CNTN5: variants seen among roughly 807,000 people sequenced by gnomAD.
The protein encoded by CNTN5 is contactin-5.
CNTN5 carries 77 observed loss-of-function variants against 129.1 expected under a neutral mutation model. The observed-to-expected ratio is 0.60, with a 90% CI of 0.50 to 0.72. CNTN5 has a LOEUF of 0.72. Ranked by LOEUF, CNTN5 falls within the 30% of genes least tolerant of loss-of-function variation. CNTN5 has a pLI of 0.00. For missense variants in CNTN5, 1,478 were observed against 1,328.8 expected, an observed-to-expected ratio of 1.11 and a Z score of -1.75; for synonymous variants, 509 against 465.6, an observed-to-expected ratio of 1.09 and a Z score of -1.20.
intron 2 of CNTN5, among the ~76,000 whole-genome samples, chr11:99,328,630 G>A (rs996399332): frequency 6.6e-6 from 1 of 151,972 alleles, no homozygotes; most frequent in African/African-American, 2.4e-5. Flanking sequence ...CAGCCCTTTG[G>A]AAGGCCGAGA....
intron 17 of CNTN5, among the ~76,000 whole-genome samples, chr11:100,258,928 C>T (rs541253162): frequency 2.6e-4 from 39 of 152,144 alleles, no homozygotes; most frequent in Non-Finnish European, 4.7e-4. Flanking sequence ...ATAACAGGAT[C>T]AAATTTACAC....
intron 3 of CNTN5, among the ~76,000 whole-genome samples, chr11:99,625,763 A>C (rs1951103302): frequency 9.6e-6 from 1 of 104,554 alleles, no homozygotes; most frequent in African/African-American, 2.9e-5. Context: ...CCTTTATCAT[A>C]TTCAATTAAA....
intron 4 of CNTN5, among the ~76,000 whole-genome samples, chr11:99,831,663 C>G (rs778196980): frequency 5.3e-5 from 8 of 152,080 alleles, no homozygotes; most frequent in Non-Finnish European, 1.0e-4. Flanking sequence ...TGCAGCTTCT[C>G]TGTTCAACCA....
chr11:99,067,868 A>G (rs1429146417), intron 1 of CNTN5, among the ~76,000 whole-genome samples: 1 of 152,130 alleles, frequency 6.6e-6, no homozygotes, highest in Non-Finnish European at 1.5e-5. Flanking sequence ...TAATCCTCAC[A>G]ATCCTCAGAA....
At chr11:100,005,464 T>C (rs1940134652) in intron 9 of CNTN5, among the ~76,000 whole-genome samples, 1 of 152,204 alleles carries the variant, frequency 6.6e-6, no homozygotes, top group African/African-American at 2.4e-5. Context: ...TAAGAACACT[T>C]ATCATGACAT....
At chr11:99,639,375 A>G (rs1381309296) in intron 3 of CNTN5, among the ~76,000 whole-genome samples, 1 of 152,150 alleles carries the variant, frequency 6.6e-6, no homozygotes, top group African/African-American at 2.4e-5. Context: ...TATTTTCCCC[A>G]TAGTCTTGAG....
rs1194796634 is a variant in CNTN5, at chr11:100,334,959, A to T, written c.2731-5504A>T. Among the ~76,000 whole-genome samples, 9 of 139,554 alleles carry T rather than the reference A, an allele frequency of 6.4e-5. No individual in the cohort carries two copies. The East Asian group carries it at 1.9e-3, about 29-fold the overall frequency. 91.6% of individuals were successfully genotyped at this position (139,554 alleles called of 152,430 possible). ...AAAATGGAAAACTAAAAATTAGACAATTTTTTTTTAAAACTTGATAAGTAA... is the reference window on the plus strand; with the variant it reads ...AAAATGGAAAACTAAAAATTAGACATTTTTTTTTTAAAACTTGATAAGTAA... On this transcript the variant is annotated intron_variant, in intron 21 of 24. Transcript: ENST00000524871.
intron 13 of CNTN5, among the ~76,000 whole-genome samples, chr11:100,131,431 A>C: frequency 6.6e-6 from 1 of 152,016 alleles, no homozygotes; most frequent in Non-Finnish European, 1.5e-5. Flanking sequence ...TCCAGGATGG[A>C]ATGAGAGGAG....
chr11:99,626,541 A>G (rs1212820835), intron 3 of CNTN5, among the ~76,000 whole-genome samples: 3 of 152,054 alleles, frequency 2.0e-5, no homozygotes, highest in African/African-American at 7.2e-5. Context: ...GAAGTCTTCT[A>G]TTGCCCCACC....
chr11:100,143,744 A>C (rs1391090124), intron 13 of CNTN5, among the ~76,000 whole-genome samples: 1 of 152,112 alleles, frequency 6.6e-6, no homozygotes, highest in African/African-American at 2.4e-5. Flanking sequence ...GTGGCAAATA[A>C]AATTTAGGGA....
intron 1 of CNTN5, among the ~76,000 whole-genome samples, chr11:99,103,281 A>C (rs920670159): frequency 1.1e-4 from 16 of 152,148 alleles, no homozygotes; most frequent in Admixed American, 8.5e-4. Context: ...TGCTTGAATA[A>C]AACTTTTTGA....
chr11:99,022,136 A>G (rs953496665), intron 1 of CNTN5, among the ~76,000 whole-genome samples: 4 of 152,182 alleles, frequency 2.6e-5, no homozygotes, highest in African/African-American at 2.4e-5. Flanking sequence ...CCTTACCTAC[A>G]TTTCATTCAT....
At chr11:99,565,005 A>G (rs1285922034) in intron 3 of CNTN5, among the ~76,000 whole-genome samples, 1 of 152,160 alleles carries the variant, frequency 6.6e-6, no homozygotes, top group Non-Finnish European at 1.5e-5. Context: ...TAATTTCTTT[A>G]TAAGTATTTA....
chr11:99,201,807 C>G (rs1488841633), intron 1 of CNTN5, among the ~76,000 whole-genome samples: 1 of 152,100 alleles, frequency 6.6e-6, no homozygotes. Flanking sequence ...GAGCAAAGGG[C>G]AAGGAAATGG....
intron 3 of CNTN5, among the ~76,000 whole-genome samples, chr11:99,581,802 A>G (rs1949606372): frequency 6.6e-6 from 1 of 152,180 alleles, no homozygotes; most frequent in Non-Finnish European, 1.5e-5. Context: ...GTGCCTTTTA[A>G]TTGGAGCATT....
chr11:99,225,942 A>T (rs551971862), intron 1 of CNTN5, among the ~76,000 whole-genome samples: 1 of 152,314 alleles, frequency 6.6e-6, no homozygotes, highest in South Asian at 2.1e-4. Context: ...ATTTTGACTC[A>T]TAATAAATGA....
rs78228898 is a variant in CNTN5, at chr11:100,226,544, C to T, written c.2005+1732C>T. Among the ~76,000 whole-genome samples the T allele has an allele frequency of 3.7e-3, 567 of 152,250 alleles. 8 individuals carry two copies. The East Asian group carries it at 0.046, about 12-fold the overall frequency. ...GGAGATGATAAAATGCATAAATTTT[C>T]GGATTATACCCAATAGCAATTTCAA... is the stretch of plus-strand genomic sequence containing the variant. On this transcript the variant is annotated intron_variant, in intron 16 of 24. Transcript: ENST00000524871.
intron 1 of CNTN5, among the ~76,000 whole-genome samples, chr11:99,260,353 C>T (rs1387557050): frequency 2.6e-5 from 4 of 151,590 alleles, no homozygotes; most frequent in Middle Eastern, 3.4e-3. Context: ...ATGTACAATG[C>T]CTCCCTCATT....
intron 2 of CNTN5, among the ~76,000 whole-genome samples, chr11:99,399,065 C>T (rs768394137): frequency 2.6e-5 from 4 of 151,606 alleles, no homozygotes; most frequent in Admixed American, 1.3e-4. Context: ...AACCATATCA[C>T]TCTGATAGAA....
Sources: gnomAD v4.1 joint callset for allele counts (sites outside exome capture counted in the v4.1 genomes callset) on GRCh38, gnomAD v4.1.1 for gene constraint, MANE v1.5 for transcripts, NCBI Gene and HGNC (gene_info 2026-07-23, HGNC 2026-07-21) for gene names.